Variants in SH3PXD2A observed in about 807,000 individuals in gnomAD.
SH3PXD2A encodes SH3 and PX domains 2A.
A neutral mutation model predicts 115.2 loss-of-function variants in SH3PXD2A; 32 were observed. The ratio of observed to expected loss-of-function variants is 0.28; its 90% CI spans 0.21 to 0.37. SH3PXD2A has a LOEUF of 0.37. Ranked by LOEUF, SH3PXD2A falls within the 10% of genes least tolerant of loss-of-function variation. The probability of loss-of-function intolerance (pLI) is 1.00; values close to 1 mark genes in which losing one functional copy is unlikely to be tolerated. For missense variants in SH3PXD2A, 1,328 were observed against 1,498.7 expected, an observed-to-expected ratio of 0.89 and a Z score of 1.88; for synonymous variants, 610 against 629.1, an observed-to-expected ratio of 0.97 and a Z score of 0.45.
At chr10:103,839,021 C>T (rs1438642258) in intron 1 of SH3PXD2A, among the ~76,000 whole-genome samples, 2 of 152,134 alleles carry the variant, frequency 1.3e-5, no homozygotes, top group African/African-American at 4.8e-5. Flanking sequence ...CCTAGAAGAA[C>T]GTCTTGGGGC....
At chr10:103,705,297 G>A (rs1381215530) in intron 5 of SH3PXD2A, among the ~76,000 whole-genome samples, 2 of 152,210 alleles carry the variant, frequency 1.3e-5, no homozygotes, top group African/African-American at 4.8e-5. Flanking sequence ...GGGGAGGGAA[G>A]GGCGGGCGTG....
rs147580715 is a variant in SH3PXD2A, at chr10:103,833,963, G to A, written c.72+21232C>T. Among the ~76,000 whole-genome samples the A allele has an allele frequency of 8.7e-4, 132 of 152,224 alleles. 1 individual carries two copies. The highest frequency in any genetic ancestry group is 3.1e-3 in the African/African-American group (130 of 41,526). Reference sequence around the variant, plus strand: ...GTCTCTCCCCTCCCCCTCCCGGAAAGAGAGTCCCTGGGGAACAGATCAGTA... The same window carrying A: ...GTCTCTCCCCTCCCCCTCCCGGAAAAAGAGTCCCTGGGGAACAGATCAGTA... On this transcript the variant is annotated intron_variant, in intron 1 of 14. Transcript: ENST00000369774.
intron 1 of SH3PXD2A, among the ~76,000 whole-genome samples, chr10:103,841,697 G>T (rs77879176): frequency 2.6e-5 from 4 of 152,046 alleles, no homozygotes; most frequent in Non-Finnish European, 4.4e-5. Flanking sequence ...CCACCTCGGG[G>T]CCTTGGCACC....
chr10:103,719,424 C>T (rs1251006305), intron 5 of SH3PXD2A, among the ~76,000 whole-genome samples: 1 of 152,206 alleles, frequency 6.6e-6, no homozygotes, highest in East Asian at 1.9e-4. Context: ...GAGCCTTCAG[C>T]TCCTTGGTAA....
chr10:103,851,564 C>T (rs1280167796), intron 1 of SH3PXD2A, among the ~76,000 whole-genome samples: 1 of 152,180 alleles, frequency 6.6e-6, no homozygotes, highest in Non-Finnish European at 1.5e-5. Context: ...CCTGCATTGC[C>T]CTAGCTCTGC....
chr10:103,714,617 C>T (rs1442077204), intron 5 of SH3PXD2A, among the ~76,000 whole-genome samples: 2 of 152,236 alleles, frequency 1.3e-5, no homozygotes, highest in Admixed American at 1.3e-4. Context: ...CTGCCACCTG[C>T]CCACCCAGGT....
intron 2 of SH3PXD2A, among the ~76,000 whole-genome samples, chr10:103,797,395 C>T (rs547478134): frequency 1.3e-5 from 2 of 152,098 alleles, no homozygotes; most frequent in African/African-American, 4.8e-5. Flanking sequence ...TGATCGGTGG[C>T]GGGGGGAGGT....
intron 5 of SH3PXD2A, among the ~76,000 whole-genome samples, chr10:103,709,141 G>T (rs1240286502): frequency 6.6e-6 from 1 of 152,004 alleles, no homozygotes; most frequent in Non-Finnish European, 1.5e-5. Context: ...CATCAGCCAG[G>T]CTCCTACTGG....
At chr10:103,708,473 T>G (rs1424593301) in intron 5 of SH3PXD2A, among the ~76,000 whole-genome samples, 1 of 152,150 alleles carries the variant, frequency 6.6e-6, no homozygotes, top group Non-Finnish European at 1.5e-5. Flanking sequence ...CACAGGCTTT[T>G]TGGACAGCTC....
intron 4 of SH3PXD2A, among the ~76,000 whole-genome samples, chr10:103,725,122 C>G (rs796767546): frequency 1.3e-5 from 2 of 152,206 alleles, no homozygotes; most frequent in Admixed American, 1.3e-4. Context: ...TCAGGAAGGA[C>G]TCTTTAAAGC....
In SH3PXD2A at chr10:103,848,858, G is replaced by A. The variant is rs115402590; in HGVS notation, c.72+6337C>T. Reference sequence around the variant, plus strand: ...ATACTTATGCTGAGCTCCATAAGGCGCCAGGTACCGGTCTAAGCTCTTTAC... The same window carrying A: ...ATACTTATGCTGAGCTCCATAAGGCACCAGGTACCGGTCTAAGCTCTTTAC... On this transcript the variant is annotated intron_variant, in intron 1 of 14. Coordinates refer to ENST00000369774, the MANE Select transcript of SH3PXD2A (RefSeq NM_001394015.1). Among the ~76,000 whole-genome samples the A allele has an allele frequency of 4.4e-3, 672 of 151,584 alleles. 7 individuals carry two copies. Among genetic ancestry groups the A allele is most frequent in the African/African-American group, 0.014 (562 of 41,288 alleles).
intron 3 of SH3PXD2A, among the ~76,000 whole-genome samples, chr10:103,766,551 T>C (rs2038756554): frequency 6.6e-6 from 1 of 152,218 alleles, no homozygotes; most frequent in African/African-American, 2.4e-5. Flanking sequence ...TAAATCTCTA[T>C]ACACACTTAA....
At chr10:103,786,575 G>A (rs1168942047) in intron 2 of SH3PXD2A, among the ~76,000 whole-genome samples, 1 of 152,224 alleles carries the variant, frequency 6.6e-6, no homozygotes, top group Non-Finnish European at 1.5e-5. Context: ...GCTGAGCTGA[G>A]AGGATTGCTT....
Position 103,746,595 on chromosome 10 carries a change from C to A in SH3PXD2A, c.230-10787G>T, listed in dbSNP as rs1286664327. Among the ~76,000 whole-genome samples, 1 of 152,160 alleles carries A rather than the reference C, an allele frequency of 6.6e-6. No individual in the cohort carries two copies. The highest frequency in any genetic ancestry group is 6.5e-5 in the Admixed American group (1 of 15,284). ...GAGTACTGGGATTACAGACGTGAGC[C>A]ACTGCGCCTGGCCTCAGAATAATAT... On this transcript the variant is annotated intron_variant, in intron 3 of 14. Coordinates refer to ENST00000369774, the MANE Select transcript of SH3PXD2A (RefSeq NM_001394015.1). This position sits in a 1 kb window ranked among gnomAD's most constrained non-coding sequence, Gnocchi z 4.4.
At chr10:103,776,945 T>A (rs1485346144) in intron 2 of SH3PXD2A, among the ~76,000 whole-genome samples, 4 of 152,196 alleles carry the variant, frequency 2.6e-5, no homozygotes, top group Non-Finnish European at 5.9e-5. Flanking sequence ...CATTAACACA[T>A]TAAAACAAAA....
intron 3 of SH3PXD2A, among the ~76,000 whole-genome samples, chr10:103,765,114 T>C (rs1360002895): frequency 6.6e-6 from 1 of 152,188 alleles, no homozygotes; most frequent in Non-Finnish European, 1.5e-5. Context: ...ATGAGGAAAC[T>C]GAAGCACAGA....
At chr10:103,813,248 T>C (rs1402990826) in intron 1 of SH3PXD2A, among the ~76,000 whole-genome samples, 1 of 152,176 alleles carries the variant, frequency 6.6e-6, no homozygotes, top group African/African-American at 2.4e-5. Flanking sequence ...TTGATAATCA[T>C]GGTTATTTGC....
intron 9 of SH3PXD2A, among the ~76,000 whole-genome samples, chr10:103,626,758 C>A (rs541290272): frequency 1.7e-4 from 25 of 146,626 alleles, no homozygotes; most frequent in African/African-American, 6.4e-4. Context: ...GAAAGCCTGT[C>A]TCTAGAAAAA....
At position 103,639,603 on chromosome 10, in the gene SH3PXD2A, C is replaced by T. The variant is rs1281799632; in HGVS notation, c.605-12401G>A. 1.4e-4 allele frequency among the ~76,000 whole-genome samples: 19 copies of T among 132,410 alleles called. No homozygotes were observed. In the East Asian group the frequency reaches 2.0e-3, roughly 14 times the overall value. The allele number at this position is 132,410 out of a possible 152,430, so 86.9% of individuals were successfully genotyped here. On this transcript the variant is annotated intron_variant, in intron 8 of 14. Coordinates refer to ENST00000369774, the MANE Select transcript of SH3PXD2A (RefSeq NM_001394015.1). ...CCAGCCTGGCGACAGAGCGAGACTC[C>T]GTCTTAAAAAAAAAAAAAAAAAAGA...
Sources: allele counts gnomAD v4.1 joint callset (sites outside exome capture counted in the v4.1 genomes callset), GRCh38; gene constraint gnomAD v4.1.1; non-coding constraint Gnocchi (gnomAD v3.1); transcripts MANE v1.5; gene names NCBI Gene and HGNC (gene_info 2026-07-23, HGNC 2026-07-21).